TENM2: variants seen among roughly 807,000 people sequenced by gnomAD.
TENM2 encodes teneurin transmembrane protein 2.
In TENM2, 52 loss-of-function variants were observed where a neutral mutation model predicts 245.2. That is an observed-to-expected ratio of 0.21 (90% CI 0.17 to 0.27). The LOEUF is 0.27. TENM2 is among the 10% of genes least tolerant of loss of function. TENM2 has a pLI of 1.00. For missense variants in TENM2, 3,046 were observed against 3,666.8 expected (o/e 0.83, Z 4.37); for synonymous variants, 1,363 against 1,438.9 (o/e 0.95, Z 1.19).
At chr5:167,406,119 C>T (rs1762624573) in intron 2 of TENM2, among the ~76,000 whole-genome samples, 1 of 152,032 alleles carries the variant, frequency 6.6e-6, no homozygotes, top group Non-Finnish European at 1.5e-5. Flanking sequence ...AGTAGAAATG[C>T]TACCCCTAAA....
At chr5:168,195,032 C>T (rs77120541) in intron 14 of TENM2, 144 bp from the exon 17 acceptor site, 39,713 of 957,894 alleles carry the variant, frequency 0.041, 1,067 homozygotes, top group Middle Eastern at 0.072. Context: ...ATGTCACTAG[C>T]GTGATTGTGC....
At chr5:167,321,782 C>CTTTTTTTTTTTTTTTTTT (rs1191717159) in intron 1 of TENM2, among the ~76,000 whole-genome samples, 1 of 59,738 alleles carries the variant, frequency 1.7e-5, no homozygotes. Flanking sequence ...GCTGCCTTGG[C>CTTTTTTTTTTTTTTTTTT]TTATTTTTTT....
intron 7 of TENM2, 59 bp downstream of exon 9, chr5:168,062,324 T>C (rs1379451818): frequency 7.6e-7 from 1 of 1,320,272 alleles, no homozygotes; most frequent in Non-Finnish European, 1.1e-6. Context: ...TATATGTGTG[T>C]GTGTATATAT....
intron 2 of TENM2, among the ~76,000 whole-genome samples, chr5:167,532,826 G>GTGTGTATA (rs1554170577): frequency 0.011 from 1,634 of 144,530 alleles, 31 homozygotes; most frequent in African/African-American, 0.039. Flanking sequence ...GTGTGTGTGT[G>GTGTGTATA]TATATATATA....
At chr5:167,041,561 T>C in the TENM2 span, among the ~76,000 whole-genome samples, 6 of 152,204 alleles carry the variant, frequency 3.9e-5, no homozygotes, top group African/African-American at 1.4e-4. Context: ...CATCAAAATG[T>C]TGTGAACAAT....
At chr5:167,731,517 G>A (rs898670281) in intron 2 of TENM2, among the ~76,000 whole-genome samples, 1 of 152,052 alleles carries the variant, frequency 6.6e-6, no homozygotes, top group Non-Finnish European at 1.5e-5. Context: ...AGACCCTTCA[G>A]GAAGAAAGTC....
intron 3 of TENM2, among the ~76,000 whole-genome samples, chr5:167,939,109 C>T (rs933948094): frequency 3.9e-5 from 6 of 152,112 alleles, no homozygotes; most frequent in African/African-American, 9.7e-5. Context: ...TGACTCCCTG[C>T]GCATGGCTTT....
chr5:167,409,150 T>A (rs563539527), intron 2 of TENM2, among the ~76,000 whole-genome samples: 1 of 152,022 alleles, frequency 6.6e-6, no homozygotes, highest in Admixed American at 6.6e-5. Flanking sequence ...GTCTAGAAAC[T>A]GAGCAATGTC....
intron 3 of TENM2, among the ~76,000 whole-genome samples, chr5:167,904,031 A>C (rs190706622): frequency 6.6e-6 from 1 of 152,366 alleles, no homozygotes; most frequent in Admixed American, 6.5e-5. Context: ...GGTCAATTTA[A>C]TCTAGACCAG....
intron 13 of TENM2, among the ~76,000 whole-genome samples, chr5:168,188,001 C>T (rs1022414539): frequency 6.6e-6 from 1 of 152,170 alleles, no homozygotes; most frequent in Non-Finnish European, 1.5e-5. Flanking sequence ...ACATGAGCAA[C>T]ATTTGCCCAT....
chr5:168,119,185 G>A (rs1346999339), intron 10 of TENM2, among the ~76,000 whole-genome samples: 1 of 152,190 alleles, frequency 6.6e-6, no homozygotes, highest in Non-Finnish European at 1.5e-5. Context: ...GCAGCAAGAG[G>A]GACGGGATTT....
chr5:167,394,023 A>G (rs565185507), intron 2 of TENM2, among the ~76,000 whole-genome samples: 178 of 152,180 alleles, frequency 1.2e-3, no homozygotes, highest in Non-Finnish European at 1.8e-3. Context: ...TATTTTGGAT[A>G]TTAACTCCTT....
the TENM2 span, among the ~76,000 whole-genome samples, chr5:167,249,462 C>T: frequency 6.6e-6 from 1 of 152,028 alleles, no homozygotes; most frequent in Non-Finnish European, 1.5e-5. Context: ...TCTTTCCTTC[C>T]CCCTCTGTCT....
At chr5:167,523,534 A>G (rs1770906014) in intron 2 of TENM2, among the ~76,000 whole-genome samples, 1 of 152,148 alleles carries the variant, frequency 6.6e-6, no homozygotes, top group African/African-American at 2.4e-5. Context: ...TTTTGTGTCT[A>G]CGTGTTTATG....
the TENM2 span, among the ~76,000 whole-genome samples, chr5:167,124,182 T>A: frequency 6.6e-6 from 1 of 152,170 alleles, no homozygotes; most frequent in Non-Finnish European, 1.5e-5. Flanking sequence ...ATGGGTTAGG[T>A]AAAAGTTTAT....
At chr5:167,108,695 T>C in the TENM2 span, among the ~76,000 whole-genome samples, 1 of 152,240 alleles carries the variant, frequency 6.6e-6, no homozygotes, top group Non-Finnish European at 1.5e-5. Flanking sequence ...GTTCTCATCC[T>C]TGCAGCAACA....
At chr5:167,276,584 C>T in the TENM2 span, among the ~76,000 whole-genome samples, 1 of 151,878 alleles carries the variant, frequency 6.6e-6, no homozygotes, top group Admixed American at 6.6e-5. Flanking sequence ...GTACAATTAC[C>T]TCTCAGCATC....
the TENM2 span, among the ~76,000 whole-genome samples, chr5:167,255,528 C>T: frequency 1.9e-4 from 29 of 152,172 alleles, no homozygotes; most frequent in Admixed American, 3.3e-4. Flanking sequence ...ACTATAAACT[C>T]CTGCCCTCTT....
chr5:167,942,140 A>G (rs1026680262), intron 3 of TENM2, among the ~76,000 whole-genome samples: 3 of 151,024 alleles, frequency 2.0e-5, no homozygotes, highest in African/African-American at 7.3e-5. Flanking sequence ...CCTGGGAGGC[A>G]GAGGTTGCAG....
Sources: allele counts gnomAD v4.1 joint callset (sites outside exome capture counted in the v4.1 genomes callset), GRCh38; gene constraint gnomAD v4.1.1; transcripts MANE v1.5; gene names NCBI Gene and HGNC (gene_info 2026-07-23, HGNC 2026-07-21).